The following KMT2A variants were observed in gnomAD, a reference collection of about 807,000 sequenced individuals.
KMT2A encodes the protein histone-lysine N-methyltransferase 2A.
KMT2A carries 16 observed loss-of-function variants against 345.3 expected under a neutral mutation model. The ratio of observed to expected loss-of-function variants is 0.05; its 90% confidence interval spans 0.03 to 0.07. The LOEUF is 0.07. Ranked by LOEUF, KMT2A falls within the 10% of genes least tolerant of loss-of-function variation. The pLI is 1.00. For missense variants in KMT2A, 3,272 were observed against 4,841.6 expected, an observed-to-expected ratio of 0.68 and a Z score of 9.62; for synonymous variants, 1,599 against 1,778.6, an observed-to-expected ratio of 0.90 and a Z score of 2.54.
Position 118,496,119 on chromosome 11 carries a change from C to A in KMT2A, c.5558-142C>A. On this transcript the variant is annotated intron_variant, in intron 19 of 35. Transcript: ENST00000534358. This position sits in a 1 kb window ranked among gnomAD's most constrained non-coding sequence, Gnocchi z 4.7. ...ACATAGATGATGAGGTAGCGTAACT[C>A]TGAACACTTTTTGAAAAGTGGTTAT... The A allele has an allele frequency of 1.4e-6, 1 of 727,730 alleles. No homozygotes were observed. The highest frequency in any genetic ancestry group is 2.6e-5 in the East Asian group (1 of 38,232). The allele number at this position is 727,730 out of a possible 1,614,324, so 45.1% of individuals were successfully genotyped here.
chr11:118,519,096 A>AG (rs1316934604), intron 31 of KMT2A, among the ~76,000 whole-genome samples: 35 of 151,468 alleles, frequency 2.3e-4, no homozygotes, highest in African/African-American at 7.0e-4. Context: ...AAAAAAAAAA[A>AG]AAAGAAAATT....
At position 118,506,195 on chromosome 11, in the gene KMT2A, A is replaced by C; in HGVS notation, c.10303A>C (p.Thr3435Pro). ...AASSICVLPSTQTTGITAASP... is the reference protein window; with the variant it reads ...AASSICVLPSPQTTGITAASP... ...ATCTAGCATCTGTGTGCTCCCCTCCACTCAGACTACGGGCATAACAGCCGC... is the reference window on the plus strand; with the variant it reads ...ATCTAGCATCTGTGTGCTCCCCTCCCCTCAGACTACGGGCATAACAGCCGC... The change falls in exon 27 of 36, where the codon ACT becomes CCT. Residue 3435 changes from threonine (T) to proline (P), a missense_variant. By Grantham distance (38) the Thr-to-Pro change is conservative (BLOSUM62 -1). Transcript: ENST00000534358. 1 of 1,614,070 alleles carries C rather than the reference A, an allele frequency of 6.2e-7. No homozygotes were observed. Among genetic ancestry groups the C allele is most frequent in the Non-Finnish European group, 8.5e-7 (1 of 1,180,014 alleles).
chr11:118,498,311 G>C lies in KMT2A; in HGVS notation c.5803-59G>C. 6.7e-7 allele frequency: 1 copy of C among 1,484,404 alleles called. No individual in the cohort carries two copies. Among genetic ancestry groups the C allele is most frequent in the East Asian group, 2.3e-5 (1 of 44,056 alleles). 92.0% of individuals were successfully genotyped at this position (1,484,404 alleles called of 1,614,324 possible). ...ATGGGATGAGTCTATAGAGGAGACG[G>C]TAAACGTCTTAAAACATATGAAAGT... On this transcript the variant is annotated intron_variant, in intron 21 of 35. Transcript: ENST00000534358. This position sits in a 1 kb window ranked among gnomAD's most constrained non-coding sequence, Gnocchi z 4.4.
chr11:118,452,736 C>T (rs1339485619), intron 1 of KMT2A, among the ~76,000 whole-genome samples: 1 of 151,712 alleles, frequency 6.6e-6, no homozygotes, highest in Non-Finnish European at 1.5e-5. Flanking sequence ...TGGGTTCAAG[C>T]GATTGTTCTG....
In KMT2A at chr11:118,522,998, G is replaced by T; in HGVS notation, c.*826G>T. The T allele has an allele frequency of 9.0e-6, 2 of 222,648 alleles. No individual in the cohort carries two copies. The highest frequency in any genetic ancestry group is 1.3e-4 in the East Asian group (2 of 15,294). The allele number at this position is 222,648 out of a possible 1,614,324, so 13.8% of individuals were successfully genotyped here. On this transcript the variant is annotated 3_prime_UTR_variant, in exon 36 of 36. Coordinates refer to ENST00000534358, the MANE Select transcript of KMT2A (RefSeq NM_001197104.2). This position sits in a 1 kb window ranked among gnomAD's most constrained non-coding sequence, Gnocchi z 5.4. ...GGACACTCCCTGCTGGGCATAGGAT[G>T]TGCCTGCAAAAAGTTCCCTGAGCCT... is the stretch of plus-strand genomic sequence containing the variant.
At chr11:118,437,067 C>A in intron 1 of KMT2A, 123 bp downstream of exon 1, 1 of 1,171,522 alleles carries the variant, frequency 8.5e-7, no homozygotes, top group Non-Finnish European at 1.1e-6. Context: ...TGACCCGGGG[C>A]GAATGGCTCT....
At chr11:118,508,515 T>C (rs1485390075) in intron 28 of KMT2A, among the ~76,000 whole-genome samples, 1 of 152,106 alleles carries the variant, frequency 6.6e-6, no homozygotes, top group Non-Finnish European at 1.5e-5. Flanking sequence ...GGCAGGAGGA[T>C]TGCTTGAGCC....
At chr11:118,474,426 T>A in intron 3 of KMT2A, 111 bp downstream of exon 3, 1 of 1,338,648 alleles carries the variant, frequency 7.5e-7, no homozygotes, top group African/African-American at 1.5e-5. Context: ...CCAAGAAAAG[T>A]ATGGTGGAGG....
chr11:118,441,063 C>T (rs529146122), intron 1 of KMT2A, among the ~76,000 whole-genome samples: 224 of 152,164 alleles, frequency 1.5e-3, no homozygotes, highest in African/African-American at 5.1e-3. Context: ...TGAATCTGTT[C>T]TGTGTCAGTA....
rs1430100009 is a variant in KMT2A, at chr11:118,521,064, A to C, written c.11513+179A>C. On this transcript the variant is annotated intron_variant, in intron 34 of 35. Transcript: ENST00000534358. The surrounding 1 kb of genome is among the most constrained non-coding windows in gnomAD (Gnocchi z 5.3). ...TTGTGTTGAACAAGGACTTTAACAT[A>C]ATAAGCATTAAAATATTACTGCTTC... 9.2e-6 allele frequency: 6 copies of C among 651,198 alleles called. No individual in the cohort carries two copies. The highest frequency in any genetic ancestry group is 1.4e-5 in the Non-Finnish European group (5 of 369,040). The allele number at this position is 651,198 out of a possible 1,614,324, so 40.3% of individuals were successfully genotyped here. A position where few individuals can be genotyped will look rare whatever the true frequency, so the allele number is the denominator to read the frequency against.
At chr11:118,461,656 C>T (rs1325704250) in intron 1 of KMT2A, among the ~76,000 whole-genome samples, 1 of 152,156 alleles carries the variant, frequency 6.6e-6, no homozygotes, top group African/African-American at 2.4e-5. Context: ...TCCCAGGAGT[C>T]CCTAGTCATG....
Position 118,484,090 on chromosome 11 carries a change from T to G in KMT2A, c.4087-93T>G. 1 of 1,187,526 alleles carries G rather than the reference T, an allele frequency of 8.4e-7. No individual in the cohort carries two copies. Among genetic ancestry groups the G allele is most frequent in the South Asian group, 1.4e-5 (1 of 71,174 alleles). The allele number at this position is 1,187,526 out of a possible 1,614,324, so 73.6% of individuals were successfully genotyped here. A position where few individuals can be genotyped will look rare whatever the true frequency, so the allele number is the denominator to read the frequency against. On this transcript the variant is annotated intron_variant, in intron 8 of 35. Coordinates refer to ENST00000534358, the MANE Select transcript of KMT2A (RefSeq NM_001197104.2). This position sits in a 1 kb window ranked among gnomAD's most constrained non-coding sequence, Gnocchi z 4.1. The stretch of plus-strand genomic sequence containing the variant: ...GTTGGAAACATGTTTTTTAGATCTA[T>G]TAATAAAATTTGTCATTTGCATTAT...
Position 118,521,644 on chromosome 11 carries a change from A to G in KMT2A, c.11643+227A>G, listed in dbSNP as rs1950971757. Among the ~76,000 whole-genome samples the G allele has an allele frequency of 6.6e-6, 1 of 152,240 alleles. No individual in the cohort carries two copies. Among genetic ancestry groups the G allele is most frequent in the Non-Finnish European group, 1.5e-5 (1 of 68,036 alleles). ...GTTTGTCTGAGTGGCTCCTAGTATC[A>G]GAAGCAAATAGCTATACAAGTTTTA... On this transcript the variant is annotated intron_variant, in intron 35 of 35. Transcript: ENST00000534358. The surrounding 1 kb of genome is among the most constrained non-coding windows in gnomAD (Gnocchi z 5.3).
intron 31 of KMT2A, among the ~76,000 whole-genome samples, chr11:118,518,931 T>G (rs1245749421): frequency 1.4e-5 from 2 of 146,898 alleles, no homozygotes; most frequent in African/African-American, 5.2e-5. Context: ...CGAAAAAAAT[T>G]AGCCAGGCGT....
chr11:118,458,183 A>T, intron 1 of KMT2A: 1 of 379,100 alleles, frequency 2.6e-6, no homozygotes, highest in Non-Finnish European at 5.3e-6. Context: ...TTCTGGACTT[A>T]AGTGATTCTC....
chr11:118,507,426 CTT>C (rs1950603695), intron 27 of KMT2A, 101 bp from the exon 28 acceptor site: 2 of 1,011,068 alleles, frequency 2.0e-6, no homozygotes, highest in East Asian at 2.5e-5. Context: ...GGCTTATAGA[CTT>C]TATCAGATCC....
chr11:118,439,398 T>G (rs1402144154), intron 1 of KMT2A, among the ~76,000 whole-genome samples: 3 of 152,188 alleles, frequency 2.0e-5, no homozygotes, highest in African/African-American at 7.2e-5. Flanking sequence ...TTCCAAATAT[T>G]ATCACATATT....
Position 118,524,722 on chromosome 11 carries a change from AC to A in KMT2A, c.*2552del, listed in dbSNP as rs1565321990. 1 of 178,696 alleles carries A rather than the reference AC, an allele frequency of 5.6e-6. No individual in the cohort carries two copies. The highest frequency in any genetic ancestry group is 1.2e-5 in the Non-Finnish European group (1 of 83,456). The allele number at this position is 178,696 out of a possible 1,614,324, so 11.1% of individuals were successfully genotyped here. ...TATTTTTTTTAAAGAAAAAAAAAAA[AC>A]CTTAAGCTGCATTTGTTACTGAAAT... On this transcript the variant is annotated 3_prime_UTR_variant, in exon 36 of 36. Coordinates refer to ENST00000534358, the MANE Select transcript of KMT2A (RefSeq NM_001197104.2).
Position 118,484,874 on chromosome 11 carries a change from G to A in KMT2A, c.4231G>A (p.Ala1411Thr). The A allele has an allele frequency of 6.2e-7, 1 of 1,613,122 alleles. No individual in the cohort carries two copies. Among genetic ancestry groups the A allele is most frequent in the Non-Finnish European group, 8.5e-7 (1 of 1,179,078 alleles). ...IRVDFKEDCE[A>T]ENVWEMGGLG... ...TCTCTCTCCACAGGAGGATTGTGAAGCAGAAAATGTGTGGGAGATGGGAGG... is the reference window on the plus strand; with the variant it reads ...TCTCTCTCCACAGGAGGATTGTGAAACAGAAAATGTGTGGGAGATGGGAGG... Residue 1411 changes from alanine (A) to threonine (T), a missense_variant, in exon 10 of 36, where the codon GCA becomes ACA. Coordinates refer to ENST00000534358, the MANE Select transcript of KMT2A (RefSeq NM_001197104.2). The surrounding 1 kb of genome is among the most constrained non-coding windows in gnomAD (Gnocchi z 4.1).
Sources: gnomAD v4.1 joint callset for allele counts (sites outside exome capture counted in the v4.1 genomes callset) on GRCh38, gnomAD v4.1.1 for gene constraint, Gnocchi (gnomAD v3.1) non-coding constraint, MANE v1.5 for transcripts, NCBI Gene and HGNC (gene_info 2026-07-23, HGNC 2026-07-21) for gene names.